The following SQOR variants were observed in gnomAD, a reference collection of about 807,000 sequenced individuals.
SQOR encodes sulfide:quinone oxidoreductase, mitochondrial.
In SQOR, 39 loss-of-function variants were observed where a neutral mutation model predicts 48.6. The observed-to-expected ratio is 0.80, with a 90% CI of 0.62 to 1.05. SQOR has a LOEUF of 1.05. Ranked by LOEUF, SQOR falls within the 50% of genes least tolerant of loss-of-function variation. SQOR has a pLI of 0.00. For missense variants in SQOR, 561 were observed against 559.9 expected, an observed-to-expected ratio of 1.00 and a Z score of -0.02; for synonymous variants, 220 against 206.2, an observed-to-expected ratio of 1.07 and a Z score of -0.57.
At chr15:45,689,416 A>AT in intron 9 of SQOR, 199 bp downstream of exon 9, 3 of 384,910 alleles carry the variant, frequency 7.8e-6, no homozygotes, top group Non-Finnish European at 1.4e-5. Context: ...CTGCTACCTT[A>AT]CTTTTTTTTT....
At chr15:45,676,705 G>C (rs1196413069) in intron 6 of SQOR, among the ~76,000 whole-genome samples, 2 of 152,222 alleles carry the variant, frequency 1.3e-5, no homozygotes, top group African/African-American at 2.4e-5. Context: ...GTGAGAAACA[G>C]TCCTGCTTGT....
rs1454847969 is a variant in SQOR, at chr15:45,688,351, A to G, written c.1063A>G (p.Ile355Val). The G allele has an allele frequency of 2.5e-6, 4 of 1,607,182 alleles. No homozygotes were observed. The highest frequency in any genetic ancestry group is 3.4e-6 in the Non-Finnish European group (4 of 1,178,190). The change falls in exon 8 of 10, where the codon ATA (isoleucine) becomes GTA (valine). Residue 355 changes from isoleucine to valine, a missense_variant. Transcript: ENST00000260324. Reference protein sequence around the residue: ...TAAAVAAQSGILDRTISVIMK... With the variant: ...TAAAVAAQSGVLDRTISVIMK... The stretch of plus-strand genomic sequence containing the variant: ...TTCTCTTATAGCTGCCCAGTCAGGA[A>G]TACTTGATAGGACAATTTCTGTAAT...
At chr15:45,662,285 G>GT (rs917981263) in intron 3 of SQOR, among the ~76,000 whole-genome samples, 160 bp downstream of exon 3, 91 of 152,294 alleles carry the variant, frequency 6.0e-4, no homozygotes, top group African/African-American at 2.2e-3. Context: ...AGGGTATGTG[G>GT]TAAGTGGAGG....
At chr15:45,669,407 A>G (rs540990899) in intron 3 of SQOR, among the ~76,000 whole-genome samples, 78 of 152,110 alleles carry the variant, frequency 5.1e-4, no homozygotes, top group South Asian at 4.4e-3. Flanking sequence ...CAAGTGATCC[A>G]CCTGCCTCGG....
Position 45,650,901 on chromosome 15 carries a change from C to G in SQOR, c.-17-8006C>G, listed in dbSNP as rs145830125. On this transcript the variant is annotated intron_variant, in intron 1 of 9. Transcript: ENST00000260324. ...GTGCCTTTACAAACCTTGAACTAGACGTAAAAGTTCTCCAAGTCCCCACCT... is the reference window on the plus strand; with the variant it reads ...GTGCCTTTACAAACCTTGAACTAGAGGTAAAAGTTCTCCAAGTCCCCACCT... 1.4e-3 allele frequency among the ~76,000 whole-genome samples: 220 copies of G among 152,334 alleles called. 3 individuals carry two copies. Among genetic ancestry groups the G allele is most frequent in the African/African-American group, 4.4e-3 (185 of 41,580 alleles).
Position 45,651,874 on chromosome 15 carries a change from T to C in SQOR, c.-17-7033T>C, listed in dbSNP as rs8038508. ...TTCTTCTTCTTCTCCTTCTCCTCCT[T>C]CTCCTTCTTCTTCTTCTTCTTTCTT... On this transcript the variant is annotated intron_variant, in intron 1 of 9. Coordinates refer to ENST00000260324, the MANE Select transcript of SQOR (RefSeq NM_021199.4). Among the ~76,000 whole-genome samples the C allele has an allele frequency of 3.5e-3, 532 of 152,000 alleles. 5 individuals carry two copies. The highest frequency in any genetic ancestry group is 0.012 in the African/African-American group (511 of 41,494).
rs575582794 is a variant in SQOR at position 45,676,203 on chromosome 15, C to G, written c.757C>G (p.Arg253Gly). The G allele has an allele frequency of 6.2e-7, 1 of 1,613,996 alleles. No individual in the cohort carries two copies. Among genetic ancestry groups the G allele is most frequent in the Non-Finnish European group, 8.5e-7 (1 of 1,180,022 alleles). Residue 253 changes from arginine (R) to glycine (G), a missense_variant, in exon 6 of 10, where the codon CGG (arginine) becomes GGG (glycine). Coordinates refer to ENST00000260324, the MANE Select transcript of SQOR (RefSeq NM_021199.4). ...ADALQEIIQE[R>G]NLTVNYKKNL... ...TGCCCTGCAGGAGATCATCCAGGAG[C>G]GGAACCTCACTGTTAACTACAAGAA... is the stretch of plus-strand genomic sequence containing the variant.
At chr15:45,631,486 G>T (rs1206005534), upstream of SQOR, 1 of 152,196 alleles carries the variant, frequency 6.6e-6, no homozygotes, top group African/African-American at 2.4e-5. Flanking sequence ...GTTTGCTGGG[G>T]AGGCTAGGGT....
intron 5 of SQOR, among the ~76,000 whole-genome samples, chr15:45,674,986 C>T (rs1187730667): frequency 6.6e-6 from 1 of 152,104 alleles, no homozygotes. Context: ...CCCCTGAGCT[C>T]TGTAAACTGC....
At chr15:45,682,174 AT>A (rs1333094035) in intron 6 of SQOR, among the ~76,000 whole-genome samples, 2 of 152,110 alleles carry the variant, frequency 1.3e-5, no homozygotes, top group Admixed American at 6.5e-5. Context: ...ACATCAATGG[AT>A]TTTTTCAGAA....
chr15:45,682,437 T>A, intron 6 of SQOR, 41 bp from the exon 7 acceptor site: 1 of 1,608,408 alleles, frequency 6.2e-7, no homozygotes, highest in Non-Finnish European at 8.5e-7. Flanking sequence ...GCTGTAGAAA[T>A]ATTGAATAAA....
chr15:45,638,507 G>T (rs912201493), intron 1 of SQOR, among the ~76,000 whole-genome samples: 1 of 152,164 alleles, frequency 6.6e-6, no homozygotes, highest in African/African-American at 2.4e-5. Context: ...CAGATCGCTT[G>T]AGGCTGGGAG....
At chr15:45,684,592 T>TTCTCTCTCTCTC in intron 7 of SQOR, among the ~76,000 whole-genome samples, 1 of 150,188 alleles carries the variant, frequency 6.7e-6, no homozygotes, top group East Asian at 2.0e-4. Flanking sequence ...TTAAGGGGTG[T>TTCTCTCTCTCTC]TCTCTCTCTC....
intron 3 of SQOR, among the ~76,000 whole-genome samples, chr15:45,665,696 G>T (rs1889803976): frequency 6.6e-6 from 1 of 151,112 alleles, no homozygotes; most frequent in Admixed American, 6.6e-5. Context: ...TGATTCTCCT[G>T]CCTCAGCCTC....
At chr15:45,659,409 A>G (rs1482002863) in intron 2 of SQOR, among the ~76,000 whole-genome samples, 1 of 152,196 alleles carries the variant, frequency 6.6e-6, no homozygotes, top group Non-Finnish European at 1.5e-5. Flanking sequence ...GGGCTGCCAT[A>G]ACAAATTACT....
At chr15:45,661,322 C>CTGAAGCAA (rs367911754) in intron 2 of SQOR, among the ~76,000 whole-genome samples, 29 of 128,968 alleles carry the variant, frequency 2.2e-4, no homozygotes, top group African/African-American at 7.7e-4. Context: ...AAAGGACCAT[C>CTGAAGCAA]TGAAGCAAGA....
intron 1 of SQOR, among the ~76,000 whole-genome samples, chr15:45,652,840 A>C (rs1353195498): frequency 1.3e-5 from 2 of 151,426 alleles, no homozygotes; most frequent in East Asian, 3.9e-4. Flanking sequence ...GTGTGGTGGC[A>C]GGCACCTGTA....
At chr15:45,671,546 T>C (rs1889943586) in intron 4 of SQOR, among the ~76,000 whole-genome samples, 1 of 152,228 alleles carries the variant, frequency 6.6e-6, no homozygotes, top group Non-Finnish European at 1.5e-5. Flanking sequence ...GCTAAGGGAA[T>C]GTAATAACCA....
Position 45,682,756 on chromosome 15 carries a change from G to A in SQOR, c.1048+95G>A, listed in dbSNP as rs1194386900. ...CACAAGCTTGGCATCGGCCAGAGAC[G>A]GTGGTTCCTGCCTGTAATCCCAGCA... On this transcript the variant is annotated intron_variant, in intron 7 of 9. Coordinates refer to ENST00000260324, the MANE Select transcript of SQOR (RefSeq NM_021199.4). The A allele has an allele frequency of 3.6e-5, 52 of 1,425,566 alleles. No homozygotes were observed. In the East Asian group the frequency reaches 5.4e-4, roughly 15 times the overall value. The allele number at this position is 1,425,566 out of a possible 1,614,324, so 88.3% of individuals were successfully genotyped here. A position where few individuals can be genotyped will look rare whatever the true frequency, so the allele number is the denominator to read the frequency against.
Sources: allele counts gnomAD v4.1 joint callset (sites outside exome capture counted in the v4.1 genomes callset), GRCh38; gene constraint gnomAD v4.1.1; transcripts MANE v1.5; gene names NCBI Gene and HGNC (gene_info 2026-07-23, HGNC 2026-07-21).